Variants in CLEC2D observed in about 807,000 individuals in gnomAD.
CLEC2D encodes C-type lectin related f.
CLEC2D carries 16 observed loss-of-function variants against 20.0 expected under a neutral mutation model. The observed-to-expected ratio is 0.80, with a 90% CI of 0.54 to 1.22. The LOEUF (loss-of-function observed/expected upper bound fraction) is 1.22, where lower values mean the gene tolerates loss of function less well. Among genes scored for constraint, CLEC2D ranks in the 50% most tolerant of loss-of-function variants. The probability of loss-of-function intolerance (pLI) is 0.00; values close to 1 mark genes in which losing one functional copy is unlikely to be tolerated. For missense variants in CLEC2D, 207 were observed against 221.5 expected, an observed-to-expected ratio of 0.93 and a Z score of 0.42; for synonymous variants, 77 against 71.1, an observed-to-expected ratio of 1.08 and a Z score of -0.42.
In CLEC2D at chr12:9,680,907, C is replaced by T; in HGVS notation, c.62-16C>T. The T allele has an allele frequency of 7.9e-7, 1 of 1,259,560 alleles. No individual in the cohort carries two copies. Among genetic ancestry groups the T allele is most frequent in the Non-Finnish European group, 1.2e-6 (1 of 863,602 alleles). 78.0% of individuals were successfully genotyped at this position (1,259,560 alleles called of 1,614,324 possible). A position where few individuals can be genotyped will look rare whatever the true frequency, so the allele number is the denominator to read the frequency against. On this transcript the variant is annotated splice_polypyrimidine_tract_variant and intron_variant, in intron 1 of 4. Coordinates refer to ENST00000290855, the MANE Select transcript of CLEC2D (RefSeq NM_013269.6). ...TGTATTTAATTGTTAAAATGTTTTT[C>T]AATAATTTTTTCCAGGTTGTCTGCA...
chr12:9,695,096 C>T lies in CLEC2D; in HGVS notation c.*222C>T. Reference sequence around the variant, plus strand: ...CCCACTGCTAATGACATACCCGAGACTGAGTAATTTATAAATAAAAGAGAT... The same window carrying T: ...CCCACTGCTAATGACATACCCGAGATTGAGTAATTTATAAATAAAAGAGAT... On this transcript the variant is annotated 3_prime_UTR_variant, in exon 5 of 5. Transcript: ENST00000290855. 1 of 575,334 alleles carries T rather than the reference C, an allele frequency of 1.7e-6. No homozygotes were observed. The highest frequency in any genetic ancestry group is 2.1e-5 in the South Asian group (1 of 48,096). The allele number at this position is 575,334 out of a possible 1,614,324, so 35.6% of individuals were successfully genotyped here. A position where few individuals can be genotyped will look rare whatever the true frequency, so the allele number is the denominator to read the frequency against.
chr12:9,672,243 C>T (rs747567067), intron 1 of CLEC2D, among the ~76,000 whole-genome samples: 5 of 152,206 alleles, frequency 3.3e-5, no homozygotes, highest in Non-Finnish European at 5.9e-5. Flanking sequence ...AGTAAACCCA[C>T]TCCCATTATA....
At chr12:9,672,040 C>G (rs929557128) in intron 1 of CLEC2D, among the ~76,000 whole-genome samples, 14 of 151,942 alleles carry the variant, frequency 9.2e-5, no homozygotes, top group Non-Finnish European at 1.8e-4. Flanking sequence ...ACAGAATACC[C>G]AAGACTGGGT....
chr12:9,693,307 A>G (rs1361966127), intron 4 of CLEC2D: 8 of 492,494 alleles, frequency 1.6e-5, no homozygotes, highest in African/African-American at 9.6e-5. Flanking sequence ...GGGAAAGATT[A>G]TGAGTGACAG....
At chr12:9,685,533 C>G (rs773017558) in intron 2 of CLEC2D, among the ~76,000 whole-genome samples, 6 of 152,226 alleles carry the variant, frequency 3.9e-5, no homozygotes, top group Non-Finnish European at 8.8e-5. Context: ...CAGAGATGCC[C>G]TGCCCAGAGA....
chr12:9,699,404 A>G lies in CLEC2D; in HGVS notation c.*4530A>G, dbSNP rs772506007. The G allele has an allele frequency of 2.0e-5, 3 of 152,334 alleles. No individual in the cohort carries two copies. Among genetic ancestry groups the G allele is most frequent in the Admixed American group, 6.5e-5 (1 of 15,300 alleles). The allele number at this position is 152,334 out of a possible 1,614,324, so 9.4% of individuals were successfully genotyped here. On this transcript the variant is annotated 3_prime_UTR_variant, in exon 5 of 5. Coordinates refer to ENST00000290855, the MANE Select transcript of CLEC2D (RefSeq NM_013269.6). The stretch of plus-strand genomic sequence containing the variant: ...TCTTTTTTCCTTAAGCTTAATTGAA[A>G]TGTTTACTTTTCAGTAAAATTTCAA...
At chr12:9,688,211 T>TG in intron 3 of CLEC2D, 125 bp downstream of exon 3, 1 of 1,252,198 alleles carries the variant, frequency 8.0e-7, no homozygotes, top group Non-Finnish European at 1.0e-6. Context: ...TTTTTTTTTT[T>TG]TTTGCATAAC....
chr12:9,684,695 A>G (rs1865715572), intron 2 of CLEC2D, among the ~76,000 whole-genome samples: 1 of 152,122 alleles, frequency 6.6e-6, no homozygotes, highest in African/African-American at 2.4e-5. Context: ...ATTAATTTAC[A>G]TATATTGAAC....
chr12:9,683,208 T>C (rs2120933064), intron 2 of CLEC2D, among the ~76,000 whole-genome samples: 1 of 152,300 alleles, frequency 6.6e-6, no homozygotes, highest in Non-Finnish European at 1.5e-5. Flanking sequence ...GTTTTATTCT[T>C]GTAAATTTTT....
In CLEC2D at chr12:9,687,986, G is replaced by T; in HGVS notation, c.257G>T (p.Cys86Phe). The change falls in exon 3 of 5, where the codon TGT (cysteine) becomes TTT (phenylalanine). Residue 86 changes from cysteine (C) to phenylalanine (F), a missense_variant. Cys to Phe is a radical substitution (Grantham distance 205). Transcript: ENST00000290855. ...AGCTGGATTGGTTTTCAAAGAAAGTGTTTCTATTTTTCTGATGACACCAAG... is the reference window on the plus strand; with the variant it reads ...AGCTGGATTGGTTTTCAAAGAAAGTTTTTCTATTTTTCTGATGACACCAAG... ...PESWIGFQRK[C>F]FYFSDDTKNW... 4 of 1,612,892 alleles carry T rather than the reference G, an allele frequency of 2.5e-6. No homozygotes were observed. The highest frequency in any genetic ancestry group is 3.4e-6 in the Non-Finnish European group (4 of 1,179,440).
At chr12:9,694,546 G>A (rs1036288555) in intron 4 of CLEC2D, among the ~76,000 whole-genome samples, 2 of 152,178 alleles carry the variant, frequency 1.3e-5, no homozygotes, top group Non-Finnish European at 2.9e-5. Flanking sequence ...ACATGAAATA[G>A]GTTTGATTCA....
intron 1 of CLEC2D, among the ~76,000 whole-genome samples, chr12:9,670,977 T>G (rs1010614218): frequency 6.6e-6 from 1 of 152,174 alleles, no homozygotes; most frequent in African/African-American, 2.4e-5. Context: ...CATGGGTCTC[T>G]TTCTAAAGTT....
rs1201091017 is a variant in CLEC2D, at chr12:9,698,023, A to G, written c.*3149A>G. 2.0e-5 allele frequency: 3 copies of G among 152,242 alleles called. No homozygotes were observed. The highest frequency in any genetic ancestry group is 4.8e-5 in the African/African-American group (2 of 41,470). 9.4% of individuals were successfully genotyped at this position (152,242 alleles called of 1,614,324 possible). On this transcript the variant is annotated 3_prime_UTR_variant, in exon 5 of 5. Coordinates refer to ENST00000290855, the MANE Select transcript of CLEC2D (RefSeq NM_013269.6). ...ACATTATACACATCAAATATATACA[A>G]TAAAAAAGCACATTGGGAGATACAT...
At chr12:9,694,607 A>C (rs1471416506) in intron 4 of CLEC2D, among the ~76,000 whole-genome samples, 153 bp from the exon 5 acceptor site, 1 of 152,236 alleles carries the variant, frequency 6.6e-6, no homozygotes, top group African/African-American at 2.4e-5. Flanking sequence ...TGCTAAGCAA[A>C]GCCCACTGAC....
intron 1 of CLEC2D, among the ~76,000 whole-genome samples, chr12:9,675,167 T>C (rs1283733400): frequency 6.6e-6 from 1 of 151,466 alleles, no homozygotes; most frequent in Non-Finnish European, 1.5e-5. Flanking sequence ...TTCTATCCTT[T>C]TTCATTAATT....
At chr12:9,684,193 T>C (rs1341451843) in intron 2 of CLEC2D, among the ~76,000 whole-genome samples, 2 of 152,196 alleles carry the variant, frequency 1.3e-5, no homozygotes, top group Non-Finnish European at 1.5e-5. Context: ...TATTGGTGTA[T>C]AGGAATGCTT....
chr12:9,672,170 C>T (rs1865437241), intron 1 of CLEC2D, among the ~76,000 whole-genome samples: 1 of 18,530 alleles, frequency 5.4e-5, no homozygotes, highest in Admixed American at 1.1e-3. Flanking sequence ...AGAGCACATG[C>T]ATAAGAAAGA....
At chr12:9,684,460 G>C (rs1647455329) in intron 2 of CLEC2D, among the ~76,000 whole-genome samples, 1 of 152,268 alleles carries the variant, frequency 6.6e-6, no homozygotes, top group East Asian at 1.9e-4. Context: ...CCTTGTGCCA[G>C]TTTACAAAGG....
chr12:9,692,997 T>C, intron 4 of CLEC2D, 66 bp downstream of exon 4: 1 of 1,599,968 alleles, frequency 6.3e-7, no homozygotes, highest in Non-Finnish European at 8.6e-7. Flanking sequence ...TCTGAAGTGT[T>C]CTCTAGTTAC....
Sources: allele counts gnomAD v4.1 joint callset (sites outside exome capture counted in the v4.1 genomes callset), GRCh38; gene constraint gnomAD v4.1.1; transcripts MANE v1.5; gene names NCBI Gene and HGNC (gene_info 2026-07-23, HGNC 2026-07-21).